The following MARK3 variants were observed in gnomAD, a reference collection of about 807,000 sequenced individuals.
MARK3 encodes MAP/microtubule affinity-regulating kinase 3.
A neutral mutation model predicts 90.1 loss-of-function variants in MARK3; 46 were observed. That is an observed-to-expected ratio of 0.51 (90% confidence interval 0.40 to 0.65). The LOEUF (loss-of-function observed/expected upper bound fraction) is 0.65, where lower values mean the gene tolerates loss of function less well. MARK3 is among the 30% of genes least tolerant of loss of function. The pLI, the probability that MARK3 is intolerant of heterozygous loss-of-function variation, is 0.00. For missense variants in MARK3, 818 were observed against 947.2 expected (o/e 0.86, Z 1.79); for synonymous variants, 321 against 332.6 (o/e 0.97, Z 0.38).
chr14:103,426,534 G>A (rs1000809369), intron 2 of MARK3, among the ~76,000 whole-genome samples: 2 of 151,938 alleles, frequency 1.3e-5, no homozygotes, highest in Non-Finnish European at 2.9e-5. Context: ...TATGGGGGTG[G>A]GCTCATTTGC....
chr14:103,405,588 G>T (rs545346566), intron 2 of MARK3, among the ~76,000 whole-genome samples: 1 of 152,018 alleles, frequency 6.6e-6, no homozygotes, highest in East Asian at 1.9e-4. Context: ...TGATCCGCCC[G>T]TCTCGGCCTC....
intron 4 of MARK3, among the ~76,000 whole-genome samples, chr14:103,450,694 C>T (rs2093115681): frequency 6.6e-6 from 1 of 151,992 alleles, no homozygotes; most frequent in South Asian, 2.1e-4. Context: ...TTACTGACTG[C>T]TATGTTAGGC....
Position 103,473,695 on chromosome 14 carries a change from C to A in MARK3, c.1265-1298C>A, listed in dbSNP as rs768832132. On this transcript the variant is annotated intron_variant, in intron 12 of 17. Coordinates refer to ENST00000429436, the MANE Select transcript of MARK3 (RefSeq NM_001128918.3). ...TTAGATTTTTGTCCAAGAACTAACT[C>A]CTCCCCACTCCCGGTTTTTGTTTGT... Among the ~76,000 whole-genome samples, 24 of 152,026 alleles carry A rather than the reference C, an allele frequency of 1.6e-4. 1 individual carries two copies. The highest frequency in any genetic ancestry group is 4.6e-4 in the Admixed American group (7 of 15,256).
Position 103,463,743 on chromosome 14 carries a change from C to T in MARK3, c.540+1282C>T, listed in dbSNP as rs149601565. 2.7e-3 allele frequency among the ~76,000 whole-genome samples: 407 copies of T among 152,296 alleles called. 2 individuals carry two copies. Among genetic ancestry groups the T allele is most frequent in the African/African-American group, 9.4e-3 (389 of 41,560 alleles). On this transcript the variant is annotated intron_variant, in intron 7 of 17. Transcript: ENST00000429436. ...CCTCCCATGTATGTTTTCTACACTG[C>T]ACCCAAAATGGTCTTTTAAGGAAAC...
chr14:103,430,988 C>T (rs1238712336), intron 3 of MARK3, among the ~76,000 whole-genome samples: 2 of 152,184 alleles, frequency 1.3e-5, no homozygotes, highest in East Asian at 3.9e-4. Context: ...ATGCACACCA[C>T]AGCATCTGGC....
chr14:103,498,602 G>T, intron 16 of MARK3, 74 bp downstream of exon 16: 1 of 1,272,424 alleles, frequency 7.9e-7, no homozygotes, highest in South Asian at 2.2e-5. Context: ...ATTAGGTTTG[G>T]CTTTCTGGCC....
At chr14:103,392,336 G>A (rs3783394) in intron 1 of MARK3, among the ~76,000 whole-genome samples, 39,150 of 152,100 alleles carry the variant, frequency 0.26, 6,249 homozygotes, top group Middle Eastern at 0.44. Flanking sequence ...TATGAAACTA[G>A]TCTGTAACTC....
chr14:103,455,830 GT>G (rs2093266293), intron 5 of MARK3, among the ~76,000 whole-genome samples: 1 of 151,806 alleles, frequency 6.6e-6, no homozygotes, highest in African/African-American at 2.4e-5. Flanking sequence ...GTTAATAAGA[GT>G]TTCAAAGTCA....
At chr14:103,425,424 AG>A (rs1304373768) in intron 2 of MARK3, among the ~76,000 whole-genome samples, 25 of 151,002 alleles carry the variant, frequency 1.7e-4, no homozygotes. Context: ...CACCAAGCTC[AG>A]CTAATTTTTG....
chr14:103,392,116 C>A (rs1240351685), intron 1 of MARK3, among the ~76,000 whole-genome samples: 1 of 152,078 alleles, frequency 6.6e-6, no homozygotes, highest in Non-Finnish European at 1.5e-5. Flanking sequence ...GCAAATAGTC[C>A]CCCAAATTTC....
chr14:103,393,505 T>G (rs1244876116), intron 1 of MARK3, among the ~76,000 whole-genome samples: 1 of 152,176 alleles, frequency 6.6e-6, no homozygotes, highest in African/African-American at 2.4e-5. Context: ...AAATATTTAG[T>G]CAGTTTTCAG....
chr14:103,434,772 T>C (rs955812785), intron 3 of MARK3, among the ~76,000 whole-genome samples: 13 of 152,218 alleles, frequency 8.5e-5, no homozygotes, highest in African/African-American at 3.1e-4. Flanking sequence ...TCTAGTTCAG[T>C]CAGGAATAAT....
intron 1 of MARK3, among the ~76,000 whole-genome samples, chr14:103,389,528 C>CAAAAAAAA (rs67737305): frequency 0.014 from 715 of 49,824 alleles, 134 homozygotes; most frequent in African/African-American, 0.026. Flanking sequence ...ACTCTGTCTC[C>CAAAAAAAA]AAAAAAAAAA....
intron 7 of MARK3, 73 bp downstream of exon 7, chr14:103,462,534 A>G: frequency 8.8e-7 from 1 of 1,139,414 alleles, no homozygotes; most frequent in East Asian, 2.4e-5. Flanking sequence ...CATTACACAA[A>G]TGAGGTATAG....
At chr14:103,453,163 T>G (rs2093195423) in intron 5 of MARK3, among the ~76,000 whole-genome samples, 1 of 152,238 alleles carries the variant, frequency 6.6e-6, no homozygotes. Context: ...TGTTTATAGC[T>G]GCTGTCTTTT....
In MARK3 at chr14:103,466,483, A is replaced by G. The variant is rs144152306; in HGVS notation, c.997+41A>G. ...CTGCATGTTCATGTGTTTTTGTCTA[A>G]GTAACATATTTCTGTTTTGACTCAT... On this transcript the variant is annotated intron_variant, in intron 10 of 17. Coordinates refer to ENST00000429436, the MANE Select transcript of MARK3 (RefSeq NM_001128918.3). The G allele has an allele frequency of 1.0e-3, 1,375 of 1,326,838 alleles. 21 individuals carry two copies. The East Asian group carries it at 0.025, about 24-fold the overall frequency. 82.2% of individuals were successfully genotyped at this position (1,326,838 alleles called of 1,614,324 possible). A position where few individuals can be genotyped will look rare whatever the true frequency, so the allele number is the denominator to read the frequency against.
At position 103,483,190 on chromosome 14, in the gene MARK3, A is replaced by G. The variant is rs138875080; in HGVS notation, c.1586+2700A>G. On this transcript the variant is annotated intron_variant, in intron 14 of 17. Transcript: ENST00000429436. ...TCCTTTTCCCTCTCTTCACCCACCC[A>G]TATATCTTATTTCTTCACTAATTTA... Among the ~76,000 whole-genome samples, 142 of 152,226 alleles carry G rather than the reference A, an allele frequency of 9.3e-4. 2 individuals are homozygous for G. Among genetic ancestry groups the G allele is most frequent in the African/African-American group, 3.4e-3 (140 of 41,542 alleles).
At chr14:103,418,158 G>T (rs2092034944) in intron 2 of MARK3, among the ~76,000 whole-genome samples, 1 of 148,158 alleles carries the variant, frequency 6.7e-6, no homozygotes, top group Non-Finnish European at 1.5e-5. Flanking sequence ...TGTCTTTACA[G>T]CATCTAGCCC....
At chr14:103,489,018 G>A (rs2093976690) in intron 14 of MARK3, among the ~76,000 whole-genome samples, 1 of 152,180 alleles carries the variant, frequency 6.6e-6, no homozygotes, top group Non-Finnish European at 1.5e-5. Context: ...CACTGGTGGG[G>A]GGCACATTGA....
Sources: gnomAD v4.1 joint callset for allele counts (sites outside exome capture counted in the v4.1 genomes callset) on GRCh38, gnomAD v4.1.1 for gene constraint, MANE v1.5 for transcripts, NCBI Gene and HGNC (gene_info 2026-07-23, HGNC 2026-07-21) for gene names.